HMCN2: variants seen among roughly 807,000 people sequenced by gnomAD.
HMCN2 encodes the protein hemicentin-2.
HMCN2 carries 325 observed loss-of-function variants against 377.5 expected under a neutral mutation model. That is an observed-to-expected ratio of 0.86 (90% CI 0.79 to 0.94). The LOEUF is 0.94. Ranked by LOEUF, HMCN2 falls within the 40% of genes least tolerant of loss-of-function variation. The pLI, the probability that HMCN2 is intolerant of heterozygous loss-of-function variation, is 0.00. For synonymous variants in HMCN2, 2,007 were observed against 2,046.8 expected, an observed-to-expected ratio of 0.98 and a Z score of 0.53; for missense variants, 4,543 against 4,725.3, an observed-to-expected ratio of 0.96 and a Z score of 1.13.
chr9:130,278,661 C>T (rs1416584502), intron 1 of HMCN2, among the ~76,000 whole-genome samples: 1 of 151,870 alleles, frequency 6.6e-6, no homozygotes, highest in African/African-American at 2.4e-5. Context: ...CGGCTCACTG[C>T]AACCTCTGCC....
Position 130,376,624 on chromosome 9 carries a change from C to T in HMCN2, c.8027C>T (p.Pro2676Leu). The change falls in exon 52 of 98, where the codon CCC becomes CTC. Residue 2676 changes from proline to leucine, a missense_variant. Coordinates refer to ENST00000683500, the MANE Select transcript of HMCN2 (RefSeq NM_001291815.2). ...TTGGAGTGTGAGAGCTGGGCTGTGC[C>T]CCCGCCCACCATCCGCTGGTACAAG... Reference protein sequence around the residue: ...LTLECESWAVPPPTIRWYKDG... With the variant: ...LTLECESWAVLPPTIRWYKDG... 2 of 985,836 alleles carry T rather than the reference C, an allele frequency of 2.0e-6. No individual in the cohort carries two copies. The highest frequency in any genetic ancestry group is 2.4e-6 in the Non-Finnish European group (2 of 829,960). The allele number at this position is 985,836 out of a possible 1,614,324, so 61.1% of individuals were successfully genotyped here. A position where few individuals can be genotyped will look rare whatever the true frequency, so the allele number is the denominator to read the frequency against.
chr9:130,320,759 G>C lies in HMCN2; in HGVS notation c.2648-17G>C. On this transcript the variant is annotated splice_polypyrimidine_tract_variant and intron_variant, in intron 17 of 97. Transcript: ENST00000683500. ...CAGGGCACCTATTGTGGCTGACACC[G>C]GCTCCTCTCCCCACAGCCCCGCCAC... The C allele has an allele frequency of 6.6e-6, 1 of 152,394 alleles. No homozygotes were observed. Among genetic ancestry groups the C allele is most frequent in the Non-Finnish European group, 1.5e-5 (1 of 68,116 alleles). 9.4% of individuals were successfully genotyped at this position (152,394 alleles called of 1,614,324 possible).
intron 53 of HMCN2, 94 bp from the exon 54 acceptor site, chr9:130,379,155 G>T (rs1204833916): frequency 2.0e-5 from 6 of 297,598 alleles, no homozygotes; most frequent in Non-Finnish European, 3.0e-5. Context: ...ATGGATTTCC[G>T]CTTGGGAGAG....
In HMCN2 at chr9:130,364,702, C is replaced by G; in HGVS notation, c.6233-12C>G. On this transcript the variant is annotated splice_polypyrimidine_tract_variant and intron_variant, in intron 40 of 97. Coordinates refer to ENST00000683500, the MANE Select transcript of HMCN2 (RefSeq NM_001291815.2). The stretch of plus-strand genomic sequence containing the variant: ...GTGCCTGAGGGAGCCCTTCTCCTGC[C>G]CCCTCCTGCAGTGCCCCCGAGTATC... 1.0e-6 allele frequency: 1 copy of G among 985,786 alleles called. No homozygotes were observed. Among genetic ancestry groups the G allele is most frequent in the Non-Finnish European group, 1.2e-6 (1 of 829,832 alleles). The allele number at this position is 985,786 out of a possible 1,614,324, so 61.1% of individuals were successfully genotyped here. A position where few individuals can be genotyped will look rare whatever the true frequency, so the allele number is the denominator to read the frequency against.
chr9:130,298,380 C>T (rs4440718), intron 7 of HMCN2, among the ~76,000 whole-genome samples: 35,945 of 152,092 alleles, frequency 0.24, 5,002 homozygotes, highest in East Asian at 0.48. Context: ...AAAAATTAGC[C>T]AGGTATAGTG....
In HMCN2 at chr9:130,396,323, G is replaced by A. The variant is rs1286524506; in HGVS notation, c.11198+10G>A. Reference sequence around the variant, plus strand: ...ATCCCAGGAGCCCCAGGTGGGAGAGGGAAGGGGTGGGCCTCAGGGAGGCTC... The same window carrying A: ...ATCCCAGGAGCCCCAGGTGGGAGAGAGAAGGGGTGGGCCTCAGGGAGGCTC... On this transcript the variant is annotated intron_variant, in intron 73 of 97. Transcript: ENST00000683500. 2.4e-6 allele frequency: 3 copies of A among 1,262,762 alleles called. No homozygotes were observed. Among genetic ancestry groups the A allele is most frequent in the Non-Finnish European group, 3.1e-6 (3 of 967,236 alleles). 78.2% of individuals were successfully genotyped at this position (1,262,762 alleles called of 1,614,324 possible). A position where few individuals can be genotyped will look rare whatever the true frequency, so the allele number is the denominator to read the frequency against.
intron 93 of HMCN2, chr9:130,429,179 C>A: frequency 4.7e-6 from 1 of 214,502 alleles, no homozygotes; most frequent in Admixed American, 5.3e-5. Flanking sequence ...TTAGCTCTTC[C>A]CACATACCAG....
In HMCN2 at chr9:130,384,478, C is replaced by T. The variant is rs1389966085; in HGVS notation, c.8936C>T (p.Thr2979Met). Residue 2979 changes from threonine to methionine, a missense_variant, in exon 58 of 98, where the codon ACG (threonine) becomes ATG (methionine). By Grantham distance (81) the Thr-to-Met change is moderately conservative. Around this residue, in one of 5 missense-constraint regions of HMCN2, gnomAD observed 736 missense variants for 773.2 expected, o/e 0.95. Coordinates refer to ENST00000683500, the MANE Select transcript of HMCN2 (RefSeq NM_001291815.2). ...DVHAHPNPEVTWYKDSQALSL... is the reference protein window; with the variant it reads ...DVHAHPNPEVMWYKDSQALSL... ...CACGCTCACCCAAACCCCGAGGTCA[C>T]GTGGTACAAGGACAGCCAGGCCCTC... The T allele has an allele frequency of 1.7e-5, 22 of 1,304,178 alleles. No homozygotes were observed. Among genetic ancestry groups the T allele is most frequent in the Non-Finnish European group, 2.2e-5 (22 of 988,978 alleles). The allele number at this position is 1,304,178 out of a possible 1,614,324, so 80.8% of individuals were successfully genotyped here. A position where few individuals can be genotyped will look rare whatever the true frequency, so the allele number is the denominator to read the frequency against.
chr9:130,418,026 G>A (rs1843787450), intron 85 of HMCN2, among the ~76,000 whole-genome samples: 1 of 152,176 alleles, frequency 6.6e-6, no homozygotes, highest in Non-Finnish European at 1.5e-5. Context: ...GGGTCAGGGA[G>A]TGACTTGGTG....
intron 25 of HMCN2, among the ~76,000 whole-genome samples, chr9:130,343,260 G>A (rs1399950174): frequency 6.6e-6 from 1 of 152,200 alleles, no homozygotes; most frequent in African/African-American, 2.4e-5. Flanking sequence ...CCTCCCCTCT[G>A]TGGGGCTGAG....
chr9:130,373,492 C>T (rs1198975630), intron 48 of HMCN2, among the ~76,000 whole-genome samples: 2 of 151,848 alleles, frequency 1.3e-5, no homozygotes, highest in Non-Finnish European at 2.9e-5. Context: ...TTCTTGAAGA[C>T]CCAGCTGCTG....
chr9:130,277,955 CCACCACCACCACCATCATCAT>C (rs1834848562), intron 1 of HMCN2, among the ~76,000 whole-genome samples: 1 of 93,206 alleles, frequency 1.1e-5, no homozygotes, highest in Non-Finnish European at 2.1e-5. Context: ...ATCATCATCA[CCACCACCACCACCATCATCAT>C]CACCACCACC....
intron 85 of HMCN2, among the ~76,000 whole-genome samples, chr9:130,412,578 T>TTTG (rs1843485825): frequency 2.0e-5 from 3 of 150,480 alleles, no homozygotes; most frequent in African/African-American, 7.3e-5. Context: ...TTTTTTTTTT[T>TTTG]TTGTTTTAAT....
intron 62 of HMCN2, among the ~76,000 whole-genome samples, chr9:130,389,144 G>T (rs902340863): frequency 3.9e-5 from 6 of 152,190 alleles, no homozygotes; most frequent in Non-Finnish European, 8.8e-5. Flanking sequence ...GGCCGGCACT[G>T]CCAGCCACCT....
At position 130,349,033 on chromosome 9, in the gene HMCN2, A is replaced by C; in HGVS notation, c.4205A>C (p.His1402Pro). ...CTCCTGGACGAGGGCCAGTCCCTCCACTTCCCCAGGATCCAGGAGGGTGAT... is the reference window on the plus strand; with the variant it reads ...CTCCTGGACGAGGGCCAGTCCCTCCCCTTCCCCAGGATCCAGGAGGGTGAT... The part of the protein sequence containing the change: ...HRLLDEGQSL[H>P]FPRIQEGDSG... Residue 1402 changes from histidine (H) to proline (P), a missense_variant, in exon 28 of 98, where the codon CAC becomes CCC. His to Pro is a moderately conservative substitution (Grantham distance 77). Coordinates refer to ENST00000683500, the MANE Select transcript of HMCN2 (RefSeq NM_001291815.2). The C allele has an allele frequency of 7.7e-7, 1 of 1,304,134 alleles. No homozygotes were observed. Among genetic ancestry groups the C allele is most frequent in the Middle Eastern group, 2.1e-4 (1 of 4,698 alleles). 80.8% of individuals were successfully genotyped at this position (1,304,134 alleles called of 1,614,324 possible). A position where few individuals can be genotyped will look rare whatever the true frequency, so the allele number is the denominator to read the frequency against.
chr9:130,392,889 G>A (rs558070821), intron 66 of HMCN2, among the ~76,000 whole-genome samples: 11 of 152,044 alleles, frequency 7.2e-5, no homozygotes, highest in East Asian at 1.9e-4. Context: ...CCAGCTACTC[G>A]GGAGGCTGAG....
At chr9:130,270,770 G>T (rs1588148602) in intron 1 of HMCN2, among the ~76,000 whole-genome samples, 1 of 148,716 alleles carries the variant, frequency 6.7e-6, no homozygotes. Context: ...TAGAGATGGG[G>T]TCTTGCTATG....
chr9:130,276,416 C>T (rs114762708), intron 1 of HMCN2, among the ~76,000 whole-genome samples: 160 of 152,184 alleles, frequency 1.1e-3, no homozygotes, highest in African/African-American at 3.6e-3. Context: ...CAGAGCAGGA[C>T]GGGGAACAGC....
chr9:130,349,424 G>T (rs746736387), intron 28 of HMCN2, 113 bp from the exon 29 acceptor site: 19 of 1,177,922 alleles, frequency 1.6e-5, no homozygotes, highest in African/African-American at 4.8e-5. Flanking sequence ...TCCCAGGAAG[G>T]TCAGGTAGGA....
Sources: gnomAD v4.1 joint callset for allele counts (sites outside exome capture counted in the v4.1 genomes callset) on GRCh38, gnomAD v4.1.1 for gene constraint, gnomAD v4.1.1 regional missense constraint, MANE v1.5 for transcripts, NCBI Gene and HGNC (gene_info 2026-07-23, HGNC 2026-07-21) for gene names.